RPS6KA2: variants seen among roughly 807,000 people sequenced by gnomAD.
RPS6KA2 encodes the protein ribosomal protein S6 kinase A2.
RPS6KA2 carries 42 observed loss-of-function variants against 91.8 expected under a neutral mutation model. The ratio of observed to expected loss-of-function variants is 0.46; its 90% CI spans 0.36 to 0.59. The LOEUF (loss-of-function observed/expected upper bound fraction) is 0.59, where lower values mean the gene tolerates loss of function less well. RPS6KA2 is among the 20% of genes least tolerant of loss of function. RPS6KA2 has a pLI of 0.00. For missense variants in RPS6KA2, 798 were observed against 978.5 expected, an observed-to-expected ratio of 0.82 and a Z score of 2.46; for synonymous variants, 414 against 393.6, an observed-to-expected ratio of 1.05 and a Z score of -0.61.
rs17514303 is a variant in RPS6KA2, at chr6:166,605,273, T to G, written c.99+21648A>C. On this transcript the variant is annotated intron_variant, in intron 1 of 20. Coordinates refer to ENST00000265678, the MANE Select transcript of RPS6KA2 (RefSeq NM_021135.6). ...GTGTTTGCAATCTACAACAGGTAGA[T>G]GACATCAAGTCTTACAGCATTTACA... is the stretch of plus-strand genomic sequence containing the variant. Among the ~76,000 whole-genome samples, 1,156 of 152,328 alleles carry G rather than the reference T, an allele frequency of 7.6e-3. 4 individuals carry two copies. Among genetic ancestry groups the G allele is most frequent in the Non-Finnish European group, 0.013 (886 of 68,034 alleles).
chr6:166,862,132 G>A (rs745804752), exon 1 of RPS6KA2: 2 of 1,614,198 alleles, frequency 1.2e-6, no homozygotes, highest in Non-Finnish European at 1.7e-6. Flanking sequence ...GCTCCACCTC[G>A]ATCTTTTTCC....
chr6:166,796,985 C>T (rs1053231354), intron 2 of RPS6KA2, among the ~76,000 whole-genome samples: 4 of 152,266 alleles, frequency 2.6e-5, no homozygotes, highest in Non-Finnish European at 5.9e-5. Flanking sequence ...TTCCTCTCTA[C>T]ACTGCGTTTC....
chr6:166,512,600 G>C (rs1445846764), intron 3 of RPS6KA2, among the ~76,000 whole-genome samples: 1 of 152,224 alleles, frequency 6.6e-6, no homozygotes, highest in Non-Finnish European at 1.5e-5. Flanking sequence ...TGTTGGGACA[G>C]TTTTGCTTTC....
intron 16 of RPS6KA2, among the ~76,000 whole-genome samples, chr6:166,424,592 C>T (rs1778843651): frequency 6.6e-6 from 1 of 152,172 alleles, no homozygotes; most frequent in Non-Finnish European, 1.5e-5. Context: ...GAGTCCAACC[C>T]CACTGGCCAC....
chr6:166,749,716 CA>C (rs1169067055), intron 2 of RPS6KA2, among the ~76,000 whole-genome samples: 1 of 82,466 alleles, frequency 1.2e-5, no homozygotes, highest in Non-Finnish European at 2.3e-5. Context: ...CCCACCTCCT[CA>C]GGCCCCCCAT....
At chr6:166,608,336 C>T (rs761425498) in intron 1 of RPS6KA2, among the ~76,000 whole-genome samples, 4 of 152,164 alleles carry the variant, frequency 2.6e-5, no homozygotes, top group Non-Finnish European at 5.9e-5. Context: ...AGTTGGATAA[C>T]CTTATTTGTA....
intron 1 of RPS6KA2, among the ~76,000 whole-genome samples, chr6:166,560,574 G>A (rs1285005319): frequency 3.3e-5 from 5 of 152,168 alleles, no homozygotes. Context: ...GGGGGCTTCT[G>A]AGGAAGGAAA....
intron 1 of RPS6KA2, among the ~76,000 whole-genome samples, chr6:166,558,696 A>T (rs1233959495): frequency 1.3e-5 from 2 of 152,176 alleles, no homozygotes; most frequent in African/African-American, 4.8e-5. Context: ...CTGTTAACGG[A>T]AAAGGTTTTC....
chr6:166,469,326 G>GTT (rs60876703), intron 11 of RPS6KA2, among the ~76,000 whole-genome samples: 2,489 of 137,720 alleles, frequency 0.018, 67 homozygotes, highest in African/African-American at 0.049. Flanking sequence ...CGGCACTGTT[G>GTT]TTTTTTTTTT....
rs373631233 is a variant in RPS6KA2, at chr6:166,531,220, C to T, written c.298+12G>A. 4.9e-5 allele frequency: 78 copies of T among 1,605,106 alleles called. No individual in the cohort carries two copies. Among genetic ancestry groups the T allele is most frequent in the Non-Finnish European group, 6.5e-5 (76 of 1,171,982 alleles). On this transcript the variant is annotated intron_variant, in intron 3 of 20. Coordinates refer to ENST00000265678, the MANE Select transcript of RPS6KA2 (RefSeq NM_021135.6). ...CTGTCTCTGAAGCAGCCGGCCCTTC[C>T]GAAGCTCTTACCTTTTAGGGTGGCT...
At chr6:166,754,736 G>A (rs993663602) in intron 2 of RPS6KA2, among the ~76,000 whole-genome samples, 2 of 152,148 alleles carry the variant, frequency 1.3e-5, no homozygotes, top group African/African-American at 2.4e-5. Flanking sequence ...CATCAGATGC[G>A]GAAAATGACA....
chr6:166,697,138 T>C (rs1419787666), intron 2 of RPS6KA2, among the ~76,000 whole-genome samples: 4 of 152,088 alleles, frequency 2.6e-5, no homozygotes, highest in Non-Finnish European at 5.9e-5. Context: ...TAGATACATA[T>C]CCTATCGGTT....
At position 166,490,433 on chromosome 6, in the gene RPS6KA2, G is replaced by A. The variant is rs1310395804; in HGVS notation, c.818+238C>T. 6.6e-6 allele frequency among the ~76,000 whole-genome samples: 1 copy of A among 152,186 alleles called. No individual in the cohort carries two copies. Among genetic ancestry groups the A allele is most frequent in the Non-Finnish European group, 1.5e-5 (1 of 68,042 alleles). The stretch of plus-strand genomic sequence containing the variant: ...CCACTCAGCAGGATGAGACAAACCA[G>A]CAACTGCTCCCTTGACCCACTGTCA... On this transcript the variant is annotated intron_variant, in intron 9 of 20. Transcript: ENST00000265678. This position sits in a 1 kb window ranked among gnomAD's most constrained non-coding sequence, Gnocchi z 4.2.
In RPS6KA2 at chr6:166,533,598, G is replaced by A. The variant is rs757746589; in HGVS notation, c.217-2285C>T. 8.5e-5 allele frequency among the ~76,000 whole-genome samples: 13 copies of A among 152,188 alleles called. No homozygotes were observed. Among genetic ancestry groups the A allele is most frequent in the African/African-American group, 3.1e-4 (13 of 41,448 alleles). On this transcript the variant is annotated intron_variant, in intron 2 of 20. Coordinates refer to ENST00000265678, the MANE Select transcript of RPS6KA2 (RefSeq NM_021135.6). The surrounding 1 kb of genome is among the most constrained non-coding windows in gnomAD (Gnocchi z 4.0). Reference sequence around the variant, plus strand: ...CAAAACGTTCCAGCTGCCACTCCCTGCTGTGGCAACTGAGGACACCTGGTG... The same window carrying A: ...CAAAACGTTCCAGCTGCCACTCCCTACTGTGGCAACTGAGGACACCTGGTG...
At chr6:166,802,688 T>G (rs1309228124) in intron 2 of RPS6KA2, among the ~76,000 whole-genome samples, 1 of 152,310 alleles carries the variant, frequency 6.6e-6, no homozygotes, top group African/African-American at 2.4e-5. Context: ...AACCAGTTGA[T>G]CTGTCCAGGT....
chr6:166,488,054 C>T lies in RPS6KA2; in HGVS notation c.907+779G>A, dbSNP rs148893585. On this transcript the variant is annotated intron_variant, in intron 10 of 20. Transcript: ENST00000265678. The stretch of plus-strand genomic sequence containing the variant: ...TTTCCTGATTTAACTTTTGCCTTCC[C>T]CTCTGGTATGTCTTCTATCTATGAG... 7.4e-3 allele frequency among the ~76,000 whole-genome samples: 1,073 copies of T among 144,450 alleles called. 20 individuals are homozygous for T. Among genetic ancestry groups the T allele is most frequent in the African/African-American group, 0.025 (1,021 of 40,940 alleles). 94.8% of individuals were successfully genotyped at this position (144,450 alleles called of 152,430 possible).
chr6:166,682,867 C>G (rs1253776827), intron 2 of RPS6KA2, among the ~76,000 whole-genome samples: 1 of 152,214 alleles, frequency 6.6e-6, no homozygotes, highest in Non-Finnish European at 1.5e-5. Flanking sequence ...TTCCCCTTCT[C>G]TGTTTCTTCT....
chr6:166,572,061 AC>A (rs1457231100), intron 1 of RPS6KA2, among the ~76,000 whole-genome samples: 2 of 152,220 alleles, frequency 1.3e-5, no homozygotes, highest in Non-Finnish European at 2.9e-5. Context: ...GAGAACATAC[AC>A]TATAATACTC....
At chr6:166,855,486 AGAG>A (rs1311324585) in intron 2 of RPS6KA2, among the ~76,000 whole-genome samples, 1 of 127,696 alleles carries the variant, frequency 7.8e-6, no homozygotes, top group Admixed American at 7.8e-5. Context: ...AAGAAGAAGA[AGAG>A]GAAGAAGAAG....
Sources: allele counts gnomAD v4.1 joint callset (sites outside exome capture counted in the v4.1 genomes callset), GRCh38; gene constraint gnomAD v4.1.1; non-coding constraint Gnocchi (gnomAD v3.1); transcripts MANE v1.5; gene names NCBI Gene and HGNC (gene_info 2026-07-23, HGNC 2026-07-21).